ARID2: variants seen among roughly 807,000 people sequenced by gnomAD.
The protein encoded by ARID2 is AT-rich interactive domain-containing protein 2.
Under a neutral mutation model 184.6 loss-of-function variants are expected in ARID2, and 32 were observed. That is an observed-to-expected ratio of 0.17 (90% CI 0.13 to 0.23). The LOEUF (loss-of-function observed/expected upper bound fraction) is 0.23, where lower values mean the gene tolerates loss of function less well. Among genes scored for constraint, ARID2 ranks in the 10% least tolerant of loss-of-function variants. ARID2 has a pLI of 1.00. For synonymous variants in ARID2, 836 were observed against 772.6 expected, an observed-to-expected ratio of 1.08 and a Z score of -1.36; for missense variants, 1,696 against 2,197.6, an observed-to-expected ratio of 0.77 and a Z score of 4.56.
intron 6 of ARID2, among the ~76,000 whole-genome samples, chr12:45,827,104 A>G (rs769476943): frequency 3.9e-5 from 6 of 151,940 alleles, no homozygotes; most frequent in Non-Finnish European, 7.4e-5. Context: ...ACAAGTATAA[A>G]AAACGTTTTT....
At chr12:45,751,122 C>A (rs1031450179) in intron 3 of ARID2, among the ~76,000 whole-genome samples, 5 of 151,948 alleles carry the variant, frequency 3.3e-5, no homozygotes, top group Non-Finnish European at 5.9e-5. Flanking sequence ...GCTAATAGCA[C>A]AAGGAGAAAA....
Position 45,817,703 on chromosome 12 carries a change from A to G in ARID2, c.452A>G (p.Asp151Gly), listed in dbSNP as rs763998343. ...YLRQSYGLSM[D>G]FNSPNDYNKL... The stretch of plus-strand genomic sequence containing the variant: ...CGTCAAAGTTATGGGCTGTCCATGG[A>G]CTTTAATTCGCCAAATGATTATAAT... The change falls in exon 5 of 21, where the codon GAC becomes GGC. Residue 151 changes from aspartate (D) to glycine (G), a missense_variant. By Grantham distance (94) the Asp-to-Gly change is moderately conservative. Around this residue, in one of 11 missense-constraint regions of ARID2, gnomAD observed 148 missense variants for 285.4 expected, o/e 0.52. Transcript: ENST00000334344. 2.5e-6 allele frequency: 4 copies of G among 1,611,660 alleles called. No individual in the cohort carries two copies. Among genetic ancestry groups the G allele is most frequent in the Non-Finnish European group, 3.4e-6 (4 of 1,179,732 alleles).
rs190265371 is a variant in ARID2, at chr12:45,872,980, A to G, written c.4922+12031A>G. ...TGATAGAGGTATGTTGAAGTCTTCA[A>G]CTATAATAGTGGATTTGGTTCTTTC... is the stretch of plus-strand genomic sequence containing the variant. On this transcript the variant is annotated intron_variant, in intron 16 of 20. Coordinates refer to ENST00000334344, the MANE Select transcript of ARID2 (RefSeq NM_152641.4). Among the ~76,000 whole-genome samples, 13 of 152,342 alleles carry G rather than the reference A, an allele frequency of 8.5e-5. 1 individual carries two copies. In the East Asian group the frequency reaches 2.3e-3, roughly 27 times the overall value.
At position 45,851,589 on chromosome 12, in the gene ARID2, A is replaced by G. The variant is rs1273023545; in HGVS notation, c.3466A>G (p.Ile1156Val). The change falls in exon 15 of 21, where the codon ATC becomes GTC. Residue 1156 changes from isoleucine (I) to valine (V), a missense_variant. This residue lies in a region of ARID2 where 713 missense variants were observed against 824.4 expected (regional missense o/e 0.86). Coordinates refer to ENST00000334344, the MANE Select transcript of ARID2 (RefSeq NM_152641.4). ...SNLQILPGPLISNSPATIFQG... is the reference protein window; with the variant it reads ...SNLQILPGPLVSNSPATIFQG... ...CTTACAAATATTGCCAGGTCCACTG[A>G]TCTCAAATAGCCCAGCAACCATTTT... The G allele has an allele frequency of 6.2e-7, 1 of 1,614,152 alleles. No individual in the cohort carries two copies.
At chr12:45,744,821 A>C (rs1159196770) in intron 3 of ARID2, among the ~76,000 whole-genome samples, 4 of 152,208 alleles carry the variant, frequency 2.6e-5, no homozygotes, top group Non-Finnish European at 4.4e-5. Context: ...AAATTCATCA[A>C]TGCTAAATTA....
At chr12:45,821,372 A>T (rs1204624719) in intron 5 of ARID2, 48 bp from the exon 6 acceptor site, 2 of 1,172,970 alleles carry the variant, frequency 1.7e-6, no homozygotes, top group Non-Finnish European at 2.4e-6. Context: ...TAATTGAAAG[A>T]ATTTATTGCA....
intron 11 of ARID2, chr12:45,841,392 C>T (rs895169388): frequency 2.0e-5 from 3 of 152,002 alleles, no homozygotes; most frequent in Non-Finnish European, 4.4e-5. Context: ...CTAGACTGCT[C>T]AGGATTGAAA....
intron 16 of ARID2, among the ~76,000 whole-genome samples, chr12:45,883,366 A>G (rs912086457): frequency 6.6e-6 from 1 of 151,652 alleles, no homozygotes; most frequent in Non-Finnish European, 1.5e-5. Flanking sequence ...AATTTGCCAA[A>G]TCATGTTGAA....
chr12:45,756,756 A>G (rs924476112), intron 3 of ARID2, among the ~76,000 whole-genome samples: 4 of 152,018 alleles, frequency 2.6e-5, no homozygotes, highest in South Asian at 2.1e-4. Flanking sequence ...TGCTTGAGCT[A>G]TGTGTGGTGG....
In ARID2 at chr12:45,729,879, A is replaced by C. The variant is rs774482788; in HGVS notation, c.43A>C (p.Lys15Gln). 3.7e-6 allele frequency: 6 copies of C among 1,611,746 alleles called. No homozygotes were observed. The East Asian group carries it at 1.3e-4, about 36-fold the overall frequency. The change falls in exon 1 of 21, where the codon AAG (lysine) becomes CAG (glutamine). Residue 15 changes from lysine (K) to glutamine (Q), a missense_variant. This residue lies in a region of ARID2 where 54 missense variants were observed against 59.9 expected (regional missense o/e 0.90). Coordinates refer to ENST00000334344, the MANE Select transcript of ARID2 (RefSeq NM_152641.4). The part of the protein sequence containing the change: ...TGKAPPDERR[K>Q]GLAFLDELRQ... ...GAAGGCGCCTCCGGACGAGCGGAGA[A>C]AGGGACTCGCTTTCCTGGACGAGCT...
At chr12:45,846,989 GA>G (rs34217888) in intron 12 of ARID2, 52 bp downstream of exon 12, 1 of 1,507,638 alleles carries the variant, frequency 6.6e-7, no homozygotes, top group East Asian at 2.3e-5. Context: ...GTAAAGCAAA[GA>G]AAAAAAGGAA....
intron 3 of ARID2, among the ~76,000 whole-genome samples, chr12:45,750,730 A>C (rs1026316526): frequency 6.6e-6 from 1 of 152,242 alleles, no homozygotes; most frequent in Non-Finnish European, 1.5e-5. Flanking sequence ...TTATTATAAT[A>C]GATAACATTT....
At chr12:45,903,109 T>C (rs1036548440) in intron 20 of ARID2, among the ~76,000 whole-genome samples, 1 of 152,224 alleles carries the variant, frequency 6.6e-6, no homozygotes, top group African/African-American at 2.4e-5. Flanking sequence ...CAGAGGTTCA[T>C]TTTGCCTGAT....
chr12:45,876,979 C>G (rs1427921861), intron 16 of ARID2, among the ~76,000 whole-genome samples: 2 of 151,090 alleles, frequency 1.3e-5, no homozygotes, highest in Non-Finnish European at 2.9e-5. Context: ...GTAGTCCCAG[C>G]TCCTTGGGAG....
intron 3 of ARID2, among the ~76,000 whole-genome samples, chr12:45,745,470 A>G (rs971314067): frequency 1.3e-4 from 20 of 152,202 alleles, no homozygotes; most frequent in Admixed American, 1.2e-3. Context: ...TATTACACTA[A>G]CCACTCCATT....
chr12:45,760,799 C>T (rs1293168306), intron 3 of ARID2, among the ~76,000 whole-genome samples: 4 of 151,080 alleles, frequency 2.6e-5, no homozygotes, highest in African/African-American at 4.9e-5. Context: ...TTATTTTTTT[C>T]AGCTTTGCTG....
chr12:45,882,085 ATCTCTGGTGTCCGCGCTTGTACCACAC>A (rs1369073816), intron 16 of ARID2: 1 of 159,908 alleles, frequency 6.3e-6, no homozygotes, highest in African/African-American at 2.4e-5. Context: ...CACTAGAGGC[ATCTCTGGTGTCCGCGCTTGTACCACAC>A]TCTTAGAGCG....
chr12:45,892,082 G>A lies in ARID2; in HGVS notation c.5133G>A (p.Gln1711=), dbSNP rs372869239. The change falls in exon 18 of 21, where the codon CAG becomes CAA. Residue 1711 remains glutamine, a synonymous_variant. Transcript: ENST00000334344. ...ATGAACCAGGACAAGCAGGAAGTCA[G>A]AAGTCTTCTACCAAGTAAGGAAAAT... is the stretch of plus-strand genomic sequence containing the variant. ...KQDEPGQAGS[Q]KSSTKQPTVG... is the part of the protein sequence containing the mutation. The A allele has an allele frequency of 4.5e-5, 72 of 1,613,774 alleles. No homozygotes were observed. The highest frequency in any genetic ancestry group is 4.3e-5 in the Non-Finnish European group (51 of 1,179,896).
In ARID2 at chr12:45,907,842, A is replaced by G. The variant is rs1944550590; in HGVS notation, c.*2764A>G. 1.3e-5 allele frequency: 3 copies of G among 231,930 alleles called. No individual in the cohort carries two copies. Among genetic ancestry groups the G allele is most frequent in the Admixed American group, 5.6e-5 (1 of 17,734 alleles). 14.4% of individuals were successfully genotyped at this position (231,930 alleles called of 1,614,324 possible). A position where few individuals can be genotyped will look rare whatever the true frequency, so the allele number is the denominator to read the frequency against. On this transcript the variant is annotated 3_prime_UTR_variant, in exon 21 of 21. Coordinates refer to ENST00000334344, the MANE Select transcript of ARID2 (RefSeq NM_152641.4). ...GTGCCTAGTGCTCTGTTGGCACTCA[A>G]TAAATTTTAAGTAACAAAATTGATA...
Sources: allele counts gnomAD v4.1 joint callset (sites outside exome capture counted in the v4.1 genomes callset), GRCh38; gene constraint gnomAD v4.1.1; regional missense constraint gnomAD v4.1.1; transcripts MANE v1.5; gene names NCBI Gene and HGNC (gene_info 2026-07-23, HGNC 2026-07-21).